ASCC3: variants seen among roughly 807,000 people sequenced by gnomAD.
ASCC3 encodes activating signal cointegrator 1 complex subunit 3.
ASCC3 carries 158 observed loss-of-function variants against 256.3 expected under a neutral mutation model. The observed-to-expected ratio is 0.62, with a 90% CI of 0.54 to 0.70. The LOEUF is 0.70. ASCC3 is among the 30% of genes least tolerant of loss of function. ASCC3 has a pLI of 0.00. For synonymous variants in ASCC3, 948 were observed against 883.4 expected (o/e 1.07, Z -1.30); for missense variants, 2,259 against 2,626.0 (o/e 0.86, Z 3.05).
chr6:100,679,532 A>G (rs919987839), intron 14 of ASCC3, 86 bp downstream of exon 14: 17 of 1,584,952 alleles, frequency 1.1e-5, no homozygotes, highest in Non-Finnish European at 1.5e-5. Context: ...CTTCTTGGAA[A>G]TTGAGACCGT....
At chr6:100,578,345 G>A (rs1163766876) in intron 36 of ASCC3, among the ~76,000 whole-genome samples, 4 of 151,930 alleles carry the variant, frequency 2.6e-5, no homozygotes, top group Admixed American at 6.6e-5. Flanking sequence ...GTGGTTTGGG[G>A]TACAGATTAT....
Position 100,662,455 on chromosome 6 carries a change from C to A in ASCC3, c.2368G>T (p.Asp790Tyr). ...AACAAGTTTTCAACTAAATTTCTGT[C>A]CTGCCGAAGCATTCCTGCATGATGA... The part of the protein sequence containing the change: ...SIHHAGMLRQ[D>Y]RNLVENLFSN... The change falls in exon 15 of 42, where the codon GAC becomes TAC. Residue 790 changes from aspartate (D) to tyrosine (Y), a missense_variant. By Grantham distance (160) the Asp-to-Tyr change is radical. This residue lies in a region of ASCC3 where 1,839 missense variants were observed against 2,206.7 expected (regional missense o/e 0.83). Coordinates refer to ENST00000369162, the MANE Select transcript of ASCC3 (RefSeq NM_006828.4). 1.9e-6 allele frequency: 3 copies of A among 1,613,250 alleles called. No individual in the cohort carries two copies. Among genetic ancestry groups the A allele is most frequent in the Non-Finnish European group, 2.5e-6 (3 of 1,179,496 alleles).
intron 29 of ASCC3, 82 bp downstream of exon 29, chr6:100,627,508 A>G: frequency 6.3e-7 from 1 of 1,577,480 alleles, no homozygotes; most frequent in Non-Finnish European, 8.7e-7. Flanking sequence ...CATCCTTTCA[A>G]AGAAACCAAC....
Position 100,754,955 on chromosome 6 carries a change from G to A in ASCC3, c.1737+11610C>T, listed in dbSNP as rs758604048. Reference sequence around the variant, plus strand: ...CTTTGCTCCTCCTTCATCTTCCATCGTGACTGTGAGGCCTCCACAGCCATG... The same window carrying A: ...CTTTGCTCCTCCTTCATCTTCCATCATGACTGTGAGGCCTCCACAGCCATG... On this transcript the variant is annotated intron_variant, in intron 10 of 41. Coordinates refer to ENST00000369162, the MANE Select transcript of ASCC3 (RefSeq NM_006828.4). 8.6e-4 allele frequency among the ~76,000 whole-genome samples: 130 copies of A among 151,966 alleles called. 2 individuals are homozygous for A. Among genetic ancestry groups the A allele is most frequent in the Non-Finnish European group, 2.6e-4 (18 of 67,972 alleles).
intron 36 of ASCC3, among the ~76,000 whole-genome samples, chr6:100,588,395 T>A (rs1050263319): frequency 8.5e-5 from 13 of 152,286 alleles, no homozygotes; most frequent in Middle Eastern, 3.4e-3. Flanking sequence ...ATTATTTTGC[T>A]GCCTGTGCCA....
At chr6:100,681,923 C>T (rs925926804) in intron 13 of ASCC3, among the ~76,000 whole-genome samples, 1 of 151,796 alleles carries the variant, frequency 6.6e-6, no homozygotes, top group Non-Finnish European at 1.5e-5. Flanking sequence ...TAAGAACTGC[C>T]ACATAGGTTC....
intron 4 of ASCC3, among the ~76,000 whole-genome samples, chr6:100,812,750 C>T (rs1375873974): frequency 6.6e-6 from 1 of 151,910 alleles, no homozygotes; most frequent in Non-Finnish European, 1.5e-5. Flanking sequence ...GGCAACATAG[C>T]AAGACTCCGT....
intron 37 of ASCC3, chr6:100,530,365 T>C (rs1774807105): frequency 1.6e-6 from 2 of 1,286,122 alleles, no homozygotes; most frequent in Non-Finnish European, 2.3e-6. Context: ...GTAAGTTGTC[T>C]ATCTCAAAAT....
intron 10 of ASCC3, 106 bp from the exon 11 acceptor site, chr6:100,725,809 T>C (rs1779593724): frequency 1.8e-6 from 2 of 1,134,860 alleles, no homozygotes; most frequent in Admixed American, 1.9e-5. Flanking sequence ...ATAAATCAAA[T>C]AAAAAGTGTT....
Position 100,510,008 on chromosome 6 carries a change from C to A in ASCC3, c.6385G>T (p.Ala2129Ser), listed in dbSNP as rs1266410749. The change falls in exon 41 of 42, where the codon GCT becomes TCT. Residue 2129 changes from alanine (A) to serine (S), a missense_variant. This residue lies in a region of ASCC3 where 1,839 missense variants were observed against 2,206.7 expected (regional missense o/e 0.83). Coordinates refer to ENST00000369162, the MANE Select transcript of ASCC3 (RefSeq NM_006828.4). ...CGAATATATCCTACTCTTTTCAAAG[C>A]AATAAGTTCTCTCTTATCCACTTCT... ...LGEVDKRELIALKRVGYIRNH... is the reference protein window; with the variant it reads ...LGEVDKRELISLKRVGYIRNH... 1 of 1,613,876 alleles carries A rather than the reference C, an allele frequency of 6.2e-7. No individual in the cohort carries two copies. The highest frequency in any genetic ancestry group is 1.3e-5 in the African/African-American group (1 of 74,884).
At chr6:100,878,850 A>C (rs568286593) in intron 1 of ASCC3, among the ~76,000 whole-genome samples, 2 of 152,250 alleles carry the variant, frequency 1.3e-5, no homozygotes, top group South Asian at 4.1e-4. Flanking sequence ...CAAGCAAACA[A>C]TCACTTCTGC....
chr6:100,542,354 A>T (rs1775501633), intron 36 of ASCC3, among the ~76,000 whole-genome samples: 1 of 152,224 alleles, frequency 6.6e-6, no homozygotes, highest in Admixed American at 6.5e-5. Flanking sequence ...GCCATAAGGC[A>T]ACAGTGAAGC....
chr6:100,741,019 T>C (rs903650834), intron 10 of ASCC3, among the ~76,000 whole-genome samples: 1 of 152,242 alleles, frequency 6.6e-6, no homozygotes, highest in Non-Finnish European at 1.5e-5. Context: ...TGACTGGTAA[T>C]AGTTTTTCCT....
chr6:100,554,112 T>C (rs1250613616), intron 36 of ASCC3, among the ~76,000 whole-genome samples: 1 of 152,198 alleles, frequency 6.6e-6, no homozygotes, highest in Non-Finnish European at 1.5e-5. Flanking sequence ...CTGTGACCCT[T>C]AACAACATTG....
intron 36 of ASCC3, among the ~76,000 whole-genome samples, chr6:100,556,476 A>AT (rs985204910): frequency 6.6e-6 from 1 of 152,150 alleles, no homozygotes; most frequent in Non-Finnish European, 1.5e-5. Context: ...TCATAAGCAA[A>AT]TTTATGAAGC....
At chr6:100,819,750 A>C (rs1394779456) in intron 4 of ASCC3, among the ~76,000 whole-genome samples, 1 of 152,214 alleles carries the variant, frequency 6.6e-6, no homozygotes, top group East Asian at 1.9e-4. Context: ...GCAGCTGATT[A>C]GATTGCACCC....
intron 4 of ASCC3, among the ~76,000 whole-genome samples, chr6:100,835,281 G>C (rs186352416): frequency 6.6e-6 from 1 of 152,012 alleles, no homozygotes; most frequent in African/African-American, 2.4e-5. Context: ...TTAGATTGAT[G>C]TAATACAATT....
chr6:100,786,133 A>C (rs566934161), intron 8 of ASCC3, among the ~76,000 whole-genome samples: 1 of 152,276 alleles, frequency 6.6e-6, no homozygotes, highest in Non-Finnish European at 1.5e-5. Flanking sequence ...CTGCACAATC[A>C]TAACAAGCTC....
intron 14 of ASCC3, among the ~76,000 whole-genome samples, chr6:100,677,248 T>C (rs1412701885): frequency 6.6e-6 from 1 of 152,020 alleles, no homozygotes; most frequent in Non-Finnish European, 1.5e-5. Context: ...TGTTATAATA[T>C]GCACTGTGGA....
Sources: gnomAD v4.1 joint callset for allele counts (sites outside exome capture counted in the v4.1 genomes callset) on GRCh38, gnomAD v4.1.1 for gene constraint, gnomAD v4.1.1 regional missense constraint, MANE v1.5 for transcripts, NCBI Gene and HGNC (gene_info 2026-07-23, HGNC 2026-07-21) for gene names.